TUSC3: variants seen among roughly 807,000 people sequenced by gnomAD.
The protein encoded by TUSC3 is tumor suppressor candidate 3.
TUSC3 carries 45 observed loss-of-function variants against 44.8 expected under a neutral mutation model. The ratio of observed to expected loss-of-function variants is 1.00; its 90% CI spans 0.79 to 1.29. The LOEUF is 1.29. Ranked by LOEUF, TUSC3 falls within the 50% of genes most tolerant of loss-of-function variation. The pLI is 0.00. For missense variants in TUSC3, 519 were observed against 437.9 expected, an observed-to-expected ratio of 1.19 and a Z score of -1.65; for synonymous variants, 212 against 152.9, an observed-to-expected ratio of 1.39 and a Z score of -2.85.
intron 5 of TUSC3, among the ~76,000 whole-genome samples, chr8:15,670,762 T>C (rs1209965293): frequency 6.6e-6 from 1 of 151,854 alleles, no homozygotes. Context: ...ACAAGCCTCA[T>C]GTTTGGTGAG....
At chr8:15,443,443 C>A (rs1800048622) in intron 1 of TUSC3, among the ~76,000 whole-genome samples, 1 of 149,656 alleles carries the variant, frequency 6.7e-6, no homozygotes. Context: ...GAGTGATCTG[C>A]CTGCCTCAGC....
intron 2 of TUSC3, among the ~76,000 whole-genome samples, chr8:15,650,460 G>A (rs192446783): frequency 3.9e-5 from 6 of 152,212 alleles, no homozygotes; most frequent in African/African-American, 1.4e-4. Flanking sequence ...ATATGTAAAT[G>A]AATAAATGTG....
At chr8:15,604,843 C>A (rs1554457342) in intron 1 of TUSC3, among the ~76,000 whole-genome samples, 3 of 151,824 alleles carry the variant, frequency 2.0e-5, no homozygotes, top group Non-Finnish European at 4.4e-5. Context: ...AATCTCCAAA[C>A]TTTATCTTAC....
chr8:15,675,078 G>A (rs746259940), intron 6 of TUSC3, among the ~76,000 whole-genome samples: 3 of 151,624 alleles, frequency 2.0e-5, no homozygotes, highest in Admixed American at 6.6e-5. Flanking sequence ...ATAATTTATC[G>A]AATGTGTTAT....
chr8:15,653,303 A>C (rs1192355780), intron 3 of TUSC3, among the ~76,000 whole-genome samples: 1 of 152,166 alleles, frequency 6.6e-6, no homozygotes, highest in African/African-American at 2.4e-5. Context: ...GATCTCTCTC[A>C]AGAAAAGACC....
chr8:15,614,070 G>T (rs1306330386), intron 1 of TUSC3, among the ~76,000 whole-genome samples: 1 of 151,262 alleles, frequency 6.6e-6, no homozygotes, highest in African/African-American at 2.4e-5. Flanking sequence ...AAGGATAGAA[G>T]AGAAAATTAT....
At position 15,459,341 on chromosome 8, in the gene TUSC3, G is replaced by T. The variant is rs1025866909; in HGVS notation, n.92-24045G>T. Among the ~76,000 whole-genome samples, 3 of 151,902 alleles carry T rather than the reference G, an allele frequency of 2.0e-5. 1 individual carries two copies. In the South Asian group the frequency reaches 6.2e-4, roughly 32 times the overall value. ...CTTTCATTCCTGTTCATAACTGTCA[G>T]TATTCTTGCTTAACTGTGATTTGAA... On this transcript the variant is annotated intron_variant and non_coding_transcript_variant, in intron 1 of 5. Transcript: ENST00000503191.
intron 1 of TUSC3, among the ~76,000 whole-genome samples, chr8:15,612,268 G>A (rs1461073655): frequency 6.6e-6 from 1 of 152,090 alleles, no homozygotes; most frequent in Admixed American, 6.6e-5. Flanking sequence ...GAGGCATCTT[G>A]GTTAAAGACA....
At chr8:15,748,620 T>C (rs1460444436) in intron 9 of TUSC3, 155 bp downstream of exon 9, 1 of 764,268 alleles carries the variant, frequency 1.3e-6, no homozygotes. Context: ...GTGTTCAGCA[T>C]AGTGAAGTAC....
At chr8:15,487,163 A>G (rs920176279) in intron 2 of TUSC3, among the ~76,000 whole-genome samples, 1 of 152,122 alleles carries the variant, frequency 6.6e-6, no homozygotes, top group East Asian at 1.9e-4. Context: ...TTGTGTTTTA[A>G]TGATTTTAGT....
chr8:15,558,452 T>C (rs201638015), intron 1 of TUSC3, among the ~76,000 whole-genome samples: 2,837 of 57,584 alleles, frequency 0.049, 84 homozygotes, highest in East Asian at 0.082. Context: ...ATCAAGGATA[T>C]TGGTCTAAAA....
intron 2 of TUSC3, among the ~76,000 whole-genome samples, chr8:15,629,159 T>C (rs1324925248): frequency 6.6e-6 from 1 of 152,192 alleles, no homozygotes; most frequent in Non-Finnish European, 1.5e-5. Context: ...AATATCTAGA[T>C]TATAAAATTA....
intron 6 of TUSC3, among the ~76,000 whole-genome samples, chr8:15,691,739 G>A (rs74613482): frequency 6.6e-6 from 1 of 151,564 alleles, no homozygotes; most frequent in Admixed American, 6.6e-5. Flanking sequence ...ATTTTTTTTT[G>A]AAAGCCTTTC....
Position 15,623,257 on chromosome 8 carries a change from A to G in TUSC3, c.308+8A>G, listed in dbSNP as rs1294222240. ...GCAGTGTTCTGTGTGCAGGTAATTT[A>G]TGTAATTAAAAAATATTAAAAACTA... On this transcript the variant is annotated splice_region_variant and intron_variant, in intron 2 of 10. Coordinates refer to ENST00000503731, the MANE Select transcript of TUSC3 (RefSeq NM_006765.4). 2 of 1,578,300 alleles carry G rather than the reference A, an allele frequency of 1.3e-6. No homozygotes were observed. The highest frequency in any genetic ancestry group is 2.3e-5 in the East Asian group (1 of 44,238).
chr8:15,495,395 T>A (rs1238136123), intron 2 of TUSC3, among the ~76,000 whole-genome samples: 1 of 152,176 alleles, frequency 6.6e-6, no homozygotes, highest in Non-Finnish European at 1.5e-5. Flanking sequence ...TAGTATATAG[T>A]TTAAAACCGT....
chr8:15,469,204 C>A (rs915919171), intron 1 of TUSC3, among the ~76,000 whole-genome samples: 1 of 152,180 alleles, frequency 6.6e-6, no homozygotes, highest in African/African-American at 2.4e-5. Flanking sequence ...GTGAAAGACA[C>A]TGTCTAGAGA....
intron 9 of TUSC3, among the ~76,000 whole-genome samples, chr8:15,757,514 T>C (rs1318646447): frequency 6.6e-6 from 1 of 152,186 alleles, no homozygotes; most frequent in African/African-American, 2.4e-5. Context: ...AATGGTGTGA[T>C]GATCAGCCCA....
chr8:15,694,937 C>T (rs1453824796), intron 6 of TUSC3, among the ~76,000 whole-genome samples: 1 of 152,278 alleles, frequency 6.6e-6, no homozygotes, highest in African/African-American at 2.4e-5. Flanking sequence ...GGTGCATGCT[C>T]GTTGCCCAAG....
chr8:15,731,816 T>A (rs1810736832), intron 7 of TUSC3, among the ~76,000 whole-genome samples: 1 of 152,186 alleles, frequency 6.6e-6, no homozygotes, highest in East Asian at 1.9e-4. Flanking sequence ...AATGCATTTT[T>A]AAAAATCTAC....
Sources: gnomAD v4.1 joint callset for allele counts (sites outside exome capture counted in the v4.1 genomes callset) on GRCh38, gnomAD v4.1.1 for gene constraint, MANE v1.5 for transcripts, NCBI Gene and HGNC (gene_info 2026-07-23, HGNC 2026-07-21) for gene names.